Variants in RALYL observed in about 807,000 individuals in gnomAD.
The protein encoded by RALYL is RALY RNA binding protein like, also known as RNA-binding Raly-like protein.
Under a neutral mutation model 35.1 loss-of-function variants are expected in RALYL, and 29 were observed. The observed-to-expected ratio is 0.83, with a 90% CI of 0.61 to 1.13. RALYL has a LOEUF of 1.13. Ranked by LOEUF, RALYL falls within the 50% of genes most tolerant of loss-of-function variation. RALYL has a pLI of 0.00. For synonymous variants in RALYL, 120 were observed against 127.6 expected, an observed-to-expected ratio of 0.94 and a Z score of 0.40; for missense variants, 359 against 360.4, an observed-to-expected ratio of 1.00 and a Z score of 0.03.
At chr8:84,308,559 G>A (rs1427530681) in intron 1 of RALYL, among the ~76,000 whole-genome samples, 1 of 152,106 alleles carries the variant, frequency 6.6e-6, no homozygotes, top group East Asian at 1.9e-4. Flanking sequence ...TTTTTAGATA[G>A]TTAATGCATG....
chr8:84,614,163 T>G (rs1420573565), intron 2 of RALYL, among the ~76,000 whole-genome samples: 2 of 151,694 alleles, frequency 1.3e-5, no homozygotes, highest in Non-Finnish European at 2.9e-5. Flanking sequence ...TGAAGCATAT[T>G]GTGCCTGGCA....
intron 1 of RALYL, among the ~76,000 whole-genome samples, chr8:84,201,710 G>A (rs1373508895): frequency 6.6e-6 from 1 of 151,866 alleles, no homozygotes; most frequent in Non-Finnish European, 1.5e-5. Context: ...CTGCAGGTGT[G>A]TGCCACCATG....
chr8:84,256,294 C>A (rs1051933050), intron 1 of RALYL, among the ~76,000 whole-genome samples: 1 of 152,122 alleles, frequency 6.6e-6, no homozygotes, highest in African/African-American at 2.4e-5. Flanking sequence ...TATGTTCTTA[C>A]ACAGAGAATA....
chr8:84,830,737 G>T (rs1305105438), intron 4 of RALYL, among the ~76,000 whole-genome samples: 1 of 152,042 alleles, frequency 6.6e-6, no homozygotes, highest in Admixed American at 6.6e-5. Context: ...AGTAAACAGA[G>T]CAATATTTTG....
chr8:84,228,493 G>A (rs1057199474), intron 1 of RALYL, among the ~76,000 whole-genome samples: 4 of 152,132 alleles, frequency 2.6e-5, no homozygotes, highest in Admixed American at 2.0e-4. Flanking sequence ...TATGCAGTTG[G>A]AAATGGTAAG....
intron 2 of RALYL, among the ~76,000 whole-genome samples, chr8:84,711,592 T>G (rs539520585): frequency 6.6e-6 from 1 of 152,292 alleles, no homozygotes; most frequent in African/African-American, 2.4e-5. Flanking sequence ...AATTTACATT[T>G]TGATAGAATT....
At chr8:84,670,064 A>C (rs1832904427) in intron 2 of RALYL, among the ~76,000 whole-genome samples, 1 of 152,030 alleles carries the variant, frequency 6.6e-6, no homozygotes. Flanking sequence ...TGTTCCTCTG[A>C]AACAGGGCTC....
intron 2 of RALYL, among the ~76,000 whole-genome samples, chr8:84,736,395 A>G (rs553729881): frequency 6.6e-6 from 1 of 152,242 alleles, no homozygotes; most frequent in South Asian, 2.1e-4. Context: ...GTAAAGGACA[A>G]CATAAGACAG....
intron 4 of RALYL, among the ~76,000 whole-genome samples, chr8:84,833,757 A>C (rs1434744730): frequency 6.6e-6 from 1 of 152,020 alleles, no homozygotes; most frequent in Non-Finnish European, 1.5e-5. Context: ...AGCCATAGAC[A>C]AGGTAGTCTA....
intron 2 of RALYL, among the ~76,000 whole-genome samples, chr8:84,664,455 T>C (rs1190678227): frequency 6.6e-6 from 1 of 152,050 alleles, no homozygotes; most frequent in Non-Finnish European, 1.5e-5. Flanking sequence ...TGATTCTTCC[T>C]ATCCATGAGC....
chr8:84,373,304 C>T (rs1686342643), intron 1 of RALYL, among the ~76,000 whole-genome samples: 1 of 151,800 alleles, frequency 6.6e-6, no homozygotes, highest in Non-Finnish European at 1.5e-5. Flanking sequence ...GTTCCTATGT[C>T]CAGAATGGTG....
intron 7 of RALYL, among the ~76,000 whole-genome samples, chr8:84,879,153 T>C (rs970850052): frequency 6.6e-6 from 1 of 152,012 alleles, no homozygotes; most frequent in African/African-American, 2.4e-5. Flanking sequence ...GCAAGAGATC[T>C]GGAAAGAAAT....
intron 4 of RALYL, among the ~76,000 whole-genome samples, chr8:84,818,655 G>A (rs528419163): frequency 6.6e-6 from 1 of 152,318 alleles, no homozygotes; most frequent in East Asian, 1.9e-4. Flanking sequence ...TTCTGTGGGT[G>A]AAGTGGAGCC....
intron 2 of RALYL, among the ~76,000 whole-genome samples, chr8:84,548,246 GTGTT>G (rs1158708625): frequency 3.3e-5 from 5 of 150,784 alleles, no homozygotes; most frequent in Non-Finnish European, 5.9e-5. Context: ...ATGATTTTCT[GTGTT>G]TGTTTGTTCA....
intron 1 of RALYL, among the ~76,000 whole-genome samples, chr8:84,367,318 ATTTTTTTTTTTTTTTTT>A (rs56387511): frequency 4.0e-4 from 11 of 27,404 alleles, no homozygotes; most frequent in African/African-American, 5.6e-4. Context: ...TAATTTTTGT[ATTTTTTTTTTTTTTTTT>A]TTTTTTTTTT....
At chr8:84,288,108 C>T (rs552216069) in intron 1 of RALYL, among the ~76,000 whole-genome samples, 6 of 152,142 alleles carry the variant, frequency 3.9e-5, no homozygotes, top group South Asian at 2.1e-4. Flanking sequence ...AGCTGAGCAT[C>T]GGAGGACTTA....
intron 8 of RALYL, among the ~76,000 whole-genome samples, chr8:84,902,275 A>G (rs1190768439): frequency 6.6e-6 from 1 of 152,104 alleles, no homozygotes; most frequent in African/African-American, 2.4e-5. Flanking sequence ...CCAGAGCAGG[A>G]GCAAGAGAGA....
chr8:84,864,597 G>T (rs200757258), intron 6 of RALYL: 1 of 246,598 alleles, frequency 4.1e-6, no homozygotes, highest in East Asian at 8.0e-5. Flanking sequence ...TTATCCTAAG[G>T]ATTAAATCTA....
intron 2 of RALYL, among the ~76,000 whole-genome samples, chr8:84,627,243 G>T (rs934777268): frequency 6.6e-6 from 1 of 151,370 alleles, no homozygotes; most frequent in Non-Finnish European, 1.5e-5. Flanking sequence ...ATTTTTTCTC[G>T]CAGGGTGATC....
Sources: gnomAD v4.1 joint callset for allele counts (sites outside exome capture counted in the v4.1 genomes callset) on GRCh38, gnomAD v4.1.1 for gene constraint, MANE v1.5 for transcripts, NCBI Gene and HGNC (gene_info 2026-07-23, HGNC 2026-07-21) for gene names.